LARS1: variants seen among roughly 807,000 people sequenced by gnomAD.
The protein encoded by LARS1 is leucyl-tRNA synthetase 1.
A neutral mutation model predicts 162.8 loss-of-function variants in LARS1; 100 were observed. That is an observed-to-expected ratio of 0.61 (90% CI 0.52 to 0.73). The LOEUF is 0.73. LARS1 is among the 30% of genes least tolerant of loss of function. The pLI is 0.00. For missense variants in LARS1, 1,258 were observed against 1,408.9 expected, an observed-to-expected ratio of 0.89 and a Z score of 1.71; for synonymous variants, 457 against 462.8, an observed-to-expected ratio of 0.99 and a Z score of 0.16.
intron 4 of LARS1, among the ~76,000 whole-genome samples, chr5:146,171,373 T>C (rs1319804938): frequency 6.6e-6 from 1 of 151,264 alleles, no homozygotes; most frequent in African/African-American, 2.4e-5. Context: ...AAAAATAAAA[T>C]AAAGTAAAAT....
intron 22 of LARS1, among the ~76,000 whole-genome samples, chr5:146,134,005 C>G (rs1189935554): frequency 6.6e-6 from 1 of 152,092 alleles, no homozygotes; most frequent in African/African-American, 2.4e-5. Context: ...CCACCACGCC[C>G]GGCTAATTTT....
rs1391448771 is a variant in LARS1 at position 146,157,642 on chromosome 5, A to AG, written c.840-15_840-14insC. The stretch of plus-strand genomic sequence containing the variant: ...CCTTTCAGGCCACTGAGAAAAAAAA[A>AG]CAAATATTGATGTAAAAACATGTCA... On this transcript the variant is annotated splice_polypyrimidine_tract_variant and intron_variant, in intron 9 of 31. Coordinates refer to ENST00000394434, the MANE Select transcript of LARS1 (RefSeq NM_020117.11). 1 of 1,613,654 alleles carries AG rather than the reference A, an allele frequency of 6.2e-7. No homozygotes were observed. Among genetic ancestry groups the AG allele is most frequent in the Admixed American group, 1.7e-5 (1 of 59,920 alleles).
intron 14 of LARS1, among the ~76,000 whole-genome samples, chr5:146,151,085 T>C (rs1476287444): frequency 6.6e-6 from 1 of 152,146 alleles, no homozygotes; most frequent in African/African-American, 2.4e-5. Flanking sequence ...TCTTTGTGCC[T>C]CCATTTCCTC....
chr5:146,156,414 C>G (rs1367025327), intron 10 of LARS1, among the ~76,000 whole-genome samples: 4 of 152,198 alleles, frequency 2.6e-5, no homozygotes, highest in Admixed American at 2.6e-4. Flanking sequence ...GTAGATAAGG[C>G]TGGGTACAGT....
At chr5:146,166,155 A>C (rs1003885898) in intron 5 of LARS1, among the ~76,000 whole-genome samples, 5 of 152,164 alleles carry the variant, frequency 3.3e-5, no homozygotes, top group African/African-American at 1.2e-4. Flanking sequence ...ATTCTTCAAT[A>C]AAAGAAACCT....
At chr5:146,159,289 A>G in intron 8 of LARS1, 118 bp downstream of exon 8, 1 of 672,936 alleles carries the variant, frequency 1.5e-6, no homozygotes, top group South Asian at 2.0e-5. Context: ...TATCCACCAG[A>G]GTATCAGGAC....
intron 15 of LARS1, among the ~76,000 whole-genome samples, chr5:146,147,083 T>TG (rs1448307511): frequency 2.6e-5 from 4 of 151,928 alleles, no homozygotes; most frequent in African/African-American, 9.7e-5. Flanking sequence ...AAGCCAATAC[T>TG]AAAAAAACTT....
At chr5:146,166,206 C>T (rs1414045246) in intron 5 of LARS1, among the ~76,000 whole-genome samples, 1 of 152,028 alleles carries the variant, frequency 6.6e-6, no homozygotes, top group Admixed American at 6.6e-5. Flanking sequence ...ACGGAAAATA[C>T]AAGCCTGGAA....
Position 146,152,001 on chromosome 5 carries a change from A to T in LARS1, c.1286T>A (p.Val429Glu), listed in dbSNP as rs1181579783. The T allele has an allele frequency of 6.2e-7, 1 of 1,613,894 alleles. No homozygotes were observed. The highest frequency in any genetic ancestry group is 8.5e-7 in the Non-Finnish European group (1 of 1,180,024). ...RDDMVLPFEP[V>E]PVIEIPGFGN... is the part of the protein sequence containing the mutation. The stretch of plus-strand genomic sequence containing the variant: ...AAAACCTGGGATTTCAATGACTGGC[A>T]CCTGCAGCAAACAGCAATCAGGAAC... Residue 429 changes from valine to glutamate, a missense_variant and splice_region_variant, in exon 14 of 32, where the codon GTG becomes GAG. Val to Glu is a moderately radical substitution (Grantham distance 121, BLOSUM62 -2). Transcript: ENST00000394434.
chr5:146,180,917 C>T (rs1581101234), intron 1 of LARS1: 1 of 152,154 alleles, frequency 6.6e-6, no homozygotes, highest in Non-Finnish European at 1.5e-5. Flanking sequence ...TAGAAGCATC[C>T]CTGGCTTCTA....
chr5:146,114,842 GAGACC>G (rs1561791858), intron 31 of LARS1, among the ~76,000 whole-genome samples: 2 of 151,286 alleles, frequency 1.3e-5, no homozygotes, highest in African/African-American at 4.9e-5. Context: ...TCCGGAGATC[GAGACC>G]ATCCTGACCA....
At chr5:146,154,693 G>A (rs934182694) in intron 10 of LARS1, among the ~76,000 whole-genome samples, 1 of 151,962 alleles carries the variant, frequency 6.6e-6, no homozygotes, top group Non-Finnish European at 1.5e-5. Flanking sequence ...CGGGAGAATT[G>A]CTTGAACCCG....
chr5:146,126,586 T>C, intron 27 of LARS1, 41 bp from the exon 28 acceptor site: 1 of 1,410,940 alleles, frequency 7.1e-7, no homozygotes, highest in South Asian at 1.2e-5. Flanking sequence ...GAAAAAAAAG[T>C]CTCAAGAATA....
At chr5:146,119,109 T>C (rs1216181286) in intron 31 of LARS1, among the ~76,000 whole-genome samples, 2 of 152,196 alleles carry the variant, frequency 1.3e-5, no homozygotes, top group Non-Finnish European at 2.9e-5. Context: ...TCCTCTGTGC[T>C]ATACATTTTA....
At chr5:146,175,736 G>C (rs576176173) in intron 2 of LARS1, among the ~76,000 whole-genome samples, 1 of 150,920 alleles carries the variant, frequency 6.6e-6, no homozygotes, top group Non-Finnish European at 1.5e-5. Context: ...GCTGAAGCAG[G>C]AGAATGGCGT....
At chr5:146,130,255 T>A in intron 24 of LARS1, 97 bp from the exon 25 acceptor site, 1 of 1,133,948 alleles carries the variant, frequency 8.8e-7, no homozygotes, top group Non-Finnish European at 1.3e-6. Context: ...CATTTTTAAG[T>A]TTCTAGTCTT....
intron 14 of LARS1, among the ~76,000 whole-genome samples, chr5:146,150,982 C>CACA (rs1358228444): frequency 6.6e-6 from 1 of 151,044 alleles, no homozygotes; most frequent in Non-Finnish European, 1.5e-5. Flanking sequence ...CACACACACA[C>CACA]AAATGTAAAT....
At position 146,177,656 on chromosome 5, in the gene LARS1, C is replaced by G; in HGVS notation, c.16G>C (p.Gly6Arg). Residue 6 changes from glycine (G) to arginine (R), a missense_variant, in exon 2 of 32, where the codon GGA (glycine) becomes CGA (arginine). Transcript: ENST00000394434. Reference sequence around the variant, plus strand: ...TTCAAAAAGTCCACTTTGGCTGTTCCTTTTCTTTCCTATTGGACACAAAGA... The same window carrying G: ...TTCAAAAAGTCCACTTTGGCTGTTCGTTTTCTTTCCTATTGGACACAAAGA... MAERK[G>R]TAKVDFLKKI... The G allele has an allele frequency of 6.4e-7, 1 of 1,559,428 alleles. No homozygotes were observed. The highest frequency in any genetic ancestry group is 8.8e-7 in the Non-Finnish European group (1 of 1,135,038).
intron 2 of LARS1, among the ~76,000 whole-genome samples, chr5:146,176,137 G>C (rs1049898480): frequency 2.6e-5 from 4 of 151,858 alleles, no homozygotes; most frequent in Non-Finnish European, 4.4e-5. Flanking sequence ...GAATGACACA[G>C]CAAGACTTTG....
Sources: allele counts gnomAD v4.1 joint callset (sites outside exome capture counted in the v4.1 genomes callset), GRCh38; gene constraint gnomAD v4.1.1; transcripts MANE v1.5; gene names NCBI Gene and HGNC (gene_info 2026-07-23, HGNC 2026-07-21).